DNM3: variants seen among roughly 807,000 people sequenced by gnomAD.
The protein encoded by DNM3 is dynamin-3.
A neutral mutation model predicts 101.6 loss-of-function variants in DNM3; 47 were observed. The ratio of observed to expected loss-of-function variants is 0.46; its 90% confidence interval spans 0.37 to 0.59. DNM3 has a LOEUF of 0.59. DNM3 is among the 20% of genes least tolerant of loss of function. The probability of loss-of-function intolerance (pLI) is 0.00; values close to 1 mark genes in which losing one functional copy is unlikely to be tolerated. For synonymous variants in DNM3, 385 were observed against 387.9 expected, an observed-to-expected ratio of 0.99 and a Z score of 0.09; for missense variants, 849 against 1,085.7, an observed-to-expected ratio of 0.78 and a Z score of 3.06.
chr1:172,218,442 G>A (rs2148552653), intron 14 of DNM3, among the ~76,000 whole-genome samples: 1 of 152,072 alleles, frequency 6.6e-6, no homozygotes, highest in East Asian at 1.9e-4. Context: ...GTAATTTGTG[G>A]TTTCACTGTA....
intron 11 of DNM3, among the ~76,000 whole-genome samples, chr1:172,080,669 G>T (rs1267607742): frequency 6.6e-6 from 1 of 152,128 alleles, no homozygotes; most frequent in East Asian, 1.9e-4. Context: ...TGCCACTGGG[G>T]TATGGAAAAA....
At chr1:172,023,163 C>T (rs950486206) in intron 4 of DNM3, among the ~76,000 whole-genome samples, 10 of 152,104 alleles carry the variant, frequency 6.6e-5, no homozygotes, top group African/African-American at 2.4e-4. Flanking sequence ...GAAATCTCTT[C>T]AGGACTCTCT....
intron 14 of DNM3, among the ~76,000 whole-genome samples, chr1:172,171,775 T>C (rs948246447): frequency 9.2e-5 from 14 of 151,784 alleles, no homozygotes; most frequent in African/African-American, 3.1e-4. Context: ...TACCGTGTGG[T>C]TATCTTCAGT....
chr1:172,334,382 A>T (rs1181757076), intron 17 of DNM3, among the ~76,000 whole-genome samples: 1 of 152,182 alleles, frequency 6.6e-6, no homozygotes, highest in East Asian at 1.9e-4. Context: ...GGGAAGTTAC[A>T]ACTGGCATTT....
intron 2 of DNM3, 27 bp from the exon 3 acceptor site, chr1:171,987,629 T>C: frequency 6.5e-7 from 1 of 1,539,892 alleles, no homozygotes; most frequent in Non-Finnish European, 8.7e-7. Context: ...GAATTTAAGT[T>C]GTGTCATTTT....
chr1:172,144,025 C>G (rs1433971295), intron 14 of DNM3, among the ~76,000 whole-genome samples: 1 of 152,096 alleles, frequency 6.6e-6, no homozygotes. Flanking sequence ...GTTATACATA[C>G]AGCCTTCATC....
chr1:172,096,448 TTG>T (rs2054250382), intron 13 of DNM3, among the ~76,000 whole-genome samples: 1 of 152,140 alleles, frequency 6.6e-6, no homozygotes, highest in Non-Finnish European at 1.5e-5. Flanking sequence ...GCTTGGGTGT[TTG>T]TACTGAATTT....
intron 17 of DNM3, among the ~76,000 whole-genome samples, chr1:172,351,483 A>G (rs1405568965): frequency 6.6e-6 from 1 of 152,156 alleles, no homozygotes; most frequent in African/African-American, 2.4e-5. Flanking sequence ...GACTCCCTTA[A>G]AAATTGCTTT....
chr1:172,365,073 C>T (rs955404485), intron 17 of DNM3, among the ~76,000 whole-genome samples: 4 of 151,728 alleles, frequency 2.6e-5, no homozygotes, highest in Admixed American at 6.6e-5. Flanking sequence ...GGACTTATTT[C>T]GATTCAAACT....
chr1:171,947,169 A>C (rs2042223811), intron 2 of DNM3, among the ~76,000 whole-genome samples: 1 of 152,202 alleles, frequency 6.6e-6, no homozygotes, highest in African/African-American at 2.4e-5. Context: ...CAAGAGGAAC[A>C]GGGAACAGAT....
chr1:171,842,642 C>T (rs2031449408), intron 1 of DNM3, among the ~76,000 whole-genome samples: 1 of 152,162 alleles, frequency 6.6e-6, no homozygotes, highest in Non-Finnish European at 1.5e-5. Flanking sequence ...TCTCTGCGCC[C>T]CCTCCCCCAG....
intron 1 of DNM3, among the ~76,000 whole-genome samples, chr1:171,907,571 G>C (rs1195274292): frequency 5.3e-5 from 8 of 151,954 alleles, no homozygotes; most frequent in Non-Finnish European, 1.0e-4. Context: ...ATTTCACATG[G>C]AGAAAATACA....
chr1:172,020,168 T>C (rs2047736422), intron 4 of DNM3, among the ~76,000 whole-genome samples: 1 of 152,166 alleles, frequency 6.6e-6, no homozygotes, highest in African/African-American at 2.4e-5. Flanking sequence ...AGTCCTGTGA[T>C]TAGATCTCAT....
intron 14 of DNM3, among the ~76,000 whole-genome samples, chr1:172,219,072 T>A (rs1232317948): frequency 3.3e-5 from 5 of 151,952 alleles, no homozygotes; most frequent in Non-Finnish European, 5.9e-5. Context: ...GAAACCTTTG[T>A]CTGGGCACAA....
At chr1:171,965,676 T>C (rs1014920884) in intron 2 of DNM3, among the ~76,000 whole-genome samples, 9 of 152,168 alleles carry the variant, frequency 5.9e-5, no homozygotes, top group Non-Finnish European at 1.3e-4. Context: ...CCCCATGTAG[T>C]TGAGGCGTGT....
intron 13 of DNM3, among the ~76,000 whole-genome samples, chr1:172,119,519 C>T (rs1470793402): frequency 6.6e-6 from 1 of 151,924 alleles, no homozygotes; most frequent in Non-Finnish European, 1.5e-5. Context: ...TTCATGGGTC[C>T]ATCCTCTCCT....
At chr1:172,296,332 G>T (rs573638442) in intron 15 of DNM3, among the ~76,000 whole-genome samples, 1 of 152,318 alleles carries the variant, frequency 6.6e-6, no homozygotes, top group South Asian at 2.1e-4. Context: ...ATTCCTTCTG[G>T]ACCCCTTGGC....
At chr1:172,013,126 T>G (rs1375152643) in intron 4 of DNM3, among the ~76,000 whole-genome samples, 1 of 152,074 alleles carries the variant, frequency 6.6e-6, no homozygotes, top group African/African-American at 2.4e-5. Context: ...ATTGATTTTT[T>G]TCATTGTTGT....
intron 4 of DNM3, among the ~76,000 whole-genome samples, chr1:171,990,542 T>G (rs1313001963): frequency 1.3e-5 from 2 of 152,150 alleles, no homozygotes; most frequent in African/African-American, 2.4e-5. Context: ...TGTACACTTT[T>G]AATTAATTCC....
Sources: allele counts gnomAD v4.1 joint callset (sites outside exome capture counted in the v4.1 genomes callset), GRCh38; gene constraint gnomAD v4.1.1; transcripts MANE v1.5; gene names NCBI Gene and HGNC (gene_info 2026-07-23, HGNC 2026-07-21).